The following FABP12 variants were observed in gnomAD, a reference collection of about 807,000 sequenced individuals.
The protein encoded by FABP12 is fatty acid-binding protein 12.
In FABP12, 19 loss-of-function variants were observed where a neutral mutation model predicts 13.7. That is an observed-to-expected ratio of 1.39 (90% CI 0.97 to 2.04). The LOEUF is 2.04. Ranked by LOEUF, FABP12 falls within the 30% of genes most tolerant of loss-of-function variation. The probability of loss-of-function intolerance (pLI) is 0.00; values close to 1 mark genes in which losing one functional copy is unlikely to be tolerated. For missense variants in FABP12, 182 were observed against 164.2 expected, an observed-to-expected ratio of 1.11 and a Z score of -0.59; for synonymous variants, 61 against 57.0, an observed-to-expected ratio of 1.07 and a Z score of -0.32.
upstream of FABP12, among the ~76,000 whole-genome samples, chr8:81,534,128 T>TAC (rs1486541081): frequency 3.3e-5 from 5 of 151,902 alleles, no homozygotes; most frequent in East Asian, 7.8e-4. Flanking sequence ...CTCACACACA[T>TAC]ACACACACAC....
At chr8:81,559,530 A>G (rs546797989) in intron 1 of FABP12, among the ~76,000 whole-genome samples, 1 of 152,170 alleles carries the variant, frequency 6.6e-6, no homozygotes, top group Non-Finnish European at 1.5e-5. Context: ...TGTGATGGAA[A>G]TGAGCTCTTT....
intron 1 of FABP12, among the ~76,000 whole-genome samples, chr8:81,550,565 G>T (rs1809508581): frequency 6.6e-6 from 1 of 152,130 alleles, no homozygotes; most frequent in African/African-American, 2.4e-5. Flanking sequence ...TAAGAACAAG[G>T]TTGGGTAAGG....
intron 1 of FABP12, among the ~76,000 whole-genome samples, chr8:81,581,393 A>T (rs1298034502): frequency 1.3e-5 from 2 of 152,212 alleles, no homozygotes; most frequent in Non-Finnish European, 2.9e-5. Context: ...CATGACTAAG[A>T]TTGAATTTCT....
chr8:81,578,823 G>GTTTCTTTTTTTTTTTTTT (rs71268012), intron 1 of FABP12, among the ~76,000 whole-genome samples: 3 of 105,660 alleles, frequency 2.8e-5, no homozygotes, highest in African/African-American at 8.1e-5. Context: ...ATTTGTTCAA[G>GTTTCTTTTTTTTTTTTTT]TTTTTTTTTT....
intron 3 of FABP12, among the ~76,000 whole-genome samples, chr8:81,527,363 T>C (rs1442837446): frequency 1.3e-5 from 2 of 152,152 alleles, no homozygotes; most frequent in Admixed American, 6.5e-5. Flanking sequence ...AAATGTTCTT[T>C]CTTTTTCTTT....
chr8:81,532,924 A>G (rs1809115289), intron 1 of FABP12: 1 of 152,266 alleles, frequency 6.6e-6, no homozygotes, highest in African/African-American at 2.4e-5. Context: ...CTTAATAGGC[A>G]TGAGGCTGAA....
intron 1 of FABP12, among the ~76,000 whole-genome samples, chr8:81,585,526 C>G (rs886846645): frequency 6.6e-6 from 1 of 152,070 alleles, no homozygotes; most frequent in Admixed American, 6.6e-5. Flanking sequence ...ATGCTTCCAG[C>G]TTTGTTCTTT....
chr8:81,530,491 G>A (rs1267106070), intron 2 of FABP12, among the ~76,000 whole-genome samples: 2 of 152,132 alleles, frequency 1.3e-5, no homozygotes, highest in Admixed American at 6.5e-5. Flanking sequence ...AGTAGAAATA[G>A]CATTACATAT....
chr8:81,567,775 C>T (rs115750230), intron 1 of FABP12, among the ~76,000 whole-genome samples: 2,533 of 152,246 alleles, frequency 0.017, 64 homozygotes, highest in African/African-American at 0.057. Context: ...TAATACTCCA[C>T]GAGGACAGGC....
intron 4 of FABP12, 47 bp downstream of exon 4, chr8:81,526,973 T>C: frequency 9.4e-7 from 1 of 1,063,434 alleles, no homozygotes; most frequent in South Asian, 1.4e-5. Flanking sequence ...TGATTTTATA[T>C]TAGTCGTTGC....
chr8:81,570,486 C>T (rs976085069), intron 1 of FABP12, among the ~76,000 whole-genome samples: 1 of 152,070 alleles, frequency 6.6e-6, no homozygotes, highest in Non-Finnish European at 1.5e-5. Context: ...AGCTCCTCTT[C>T]GTTACCAGGG....
At chr8:81,536,181 GA>G (rs1203934509), upstream of FABP12, among the ~76,000 whole-genome samples, 1 of 152,134 alleles carries the variant, frequency 6.6e-6, no homozygotes, top group Non-Finnish European at 1.5e-5. Context: ...AGCAACCACT[GA>G]AACTCTTAAT....
At chr8:81,578,380 CT>C (rs1475229068) in intron 1 of FABP12, among the ~76,000 whole-genome samples, 1 of 152,058 alleles carries the variant, frequency 6.6e-6, no homozygotes, top group Admixed American at 6.5e-5. Context: ...TTCAAGTAGT[CT>C]GCAGGCTTAT....
At chr8:81,587,729 C>G (rs971273982) in intron 1 of FABP12, among the ~76,000 whole-genome samples, 7 of 151,904 alleles carry the variant, frequency 4.6e-5, no homozygotes, top group South Asian at 2.1e-4. Context: ...GATCTAGGAG[C>G]CTGTATTAGT....
At chr8:81,527,677 T>C (rs959331251) in intron 3 of FABP12, among the ~76,000 whole-genome samples, 2 of 152,190 alleles carry the variant, frequency 1.3e-5, no homozygotes, top group Non-Finnish European at 2.9e-5. Flanking sequence ...ATGTTCTTTT[T>C]ATCTTTGACT....
chr8:81,554,777 A>C (rs960309767), intron 1 of FABP12, among the ~76,000 whole-genome samples: 1 of 152,100 alleles, frequency 6.6e-6, no homozygotes, highest in Non-Finnish European at 1.5e-5. Flanking sequence ...TATAAAATAC[A>C]CCAACACTAA....
intron 1 of FABP12, among the ~76,000 whole-genome samples, chr8:81,559,339 T>C (rs1310228477): frequency 6.6e-6 from 1 of 152,218 alleles, no homozygotes; most frequent in Non-Finnish European, 1.5e-5. Flanking sequence ...ACAGCTTTTC[T>C]GAGGCAAATA....
chr8:81,538,165 A>G (rs1376366684), upstream of FABP12, among the ~76,000 whole-genome samples: 4 of 152,094 alleles, frequency 2.6e-5, no homozygotes, highest in Non-Finnish European at 4.4e-5. Flanking sequence ...AGCTCAGAGC[A>G]AGAACTCACT....
upstream of FABP12, among the ~76,000 whole-genome samples, chr8:81,534,401 G>A (rs1407942527): frequency 6.6e-6 from 1 of 152,284 alleles, no homozygotes; most frequent in Middle Eastern, 3.4e-3. Flanking sequence ...GCAAAATGTA[G>A]CAATTTGTCT....
Sources: gnomAD v4.1 joint callset for allele counts (sites outside exome capture counted in the v4.1 genomes callset) on GRCh38, gnomAD v4.1.1 for gene constraint, MANE v1.5 for transcripts, NCBI Gene and HGNC (gene_info 2026-07-23, HGNC 2026-07-21) for gene names.